The following FBN2 variants were observed in gnomAD, a reference collection of about 807,000 sequenced individuals.
FBN2 encodes the protein fibrillin-2.
Under a neutral mutation model 355.6 loss-of-function variants are expected in FBN2, and 105 were observed. The observed-to-expected ratio is 0.30, with a 90% CI of 0.25 to 0.35. The LOEUF (loss-of-function observed/expected upper bound fraction) is 0.35. Ranked by LOEUF, FBN2 falls within the 10% of genes least tolerant of loss-of-function variation. The probability of loss-of-function intolerance (pLI) is 1.00; values close to 1 mark genes in which losing one functional copy is unlikely to be tolerated. For synonymous variants in FBN2, 1,350 were observed against 1,301.2 expected (o/e 1.04, Z -0.81); for missense variants, 3,280 against 3,758.7 (o/e 0.87, Z 3.33).
chr5:128,455,407 A>G (rs1754353192), intron 6 of FBN2, among the ~76,000 whole-genome samples: 1 of 152,226 alleles, frequency 6.6e-6, no homozygotes, highest in Non-Finnish European at 1.5e-5. Flanking sequence ...TATTAAAGCC[A>G]TCAAGAATTG....
intron 5 of FBN2, among the ~76,000 whole-genome samples, chr5:128,502,768 AAAT>A (rs1009802362): frequency 5.3e-5 from 8 of 152,218 alleles, no homozygotes; most frequent in Admixed American, 1.3e-4. Flanking sequence ...AGTAAATCTA[AAAT>A]AATAATTTTT....
chr5:128,295,523 T>C (rs1749480622), intron 48 of FBN2, among the ~76,000 whole-genome samples: 1 of 146,958 alleles, frequency 6.8e-6, no homozygotes. Context: ...GAGTAGTGGT[T>C]TGTAGTTCTC....
At chr5:128,453,464 C>A (rs986276263) in intron 6 of FBN2, among the ~76,000 whole-genome samples, 1 of 152,200 alleles carries the variant, frequency 6.6e-6, no homozygotes, top group African/African-American at 2.4e-5. Context: ...GGCATCCACT[C>A]TGGCCTTCCT....
chr5:128,356,494 G>T (rs1293668831), intron 20 of FBN2, among the ~76,000 whole-genome samples: 1 of 152,160 alleles, frequency 6.6e-6, no homozygotes, highest in Non-Finnish European at 1.5e-5. Flanking sequence ...CTTCCTATTT[G>T]GAATATATAT....
chr5:128,332,826 G>T, intron 32 of FBN2, 86 bp downstream of exon 32: 1 of 1,293,278 alleles, frequency 7.7e-7, no homozygotes, highest in Non-Finnish European at 1.1e-6. Flanking sequence ...ATTAATAAAA[G>T]TGAAGAGCAT....
intron 20 of FBN2, among the ~76,000 whole-genome samples, chr5:128,355,041 G>GT (rs780201918): frequency 8.5e-5 from 13 of 152,178 alleles, no homozygotes; most frequent in Non-Finnish European, 1.8e-4. Flanking sequence ...CAGGTTAAAG[G>GT]TTAGGAGGAT....
intron 64 of FBN2, 39 bp downstream of exon 64, chr5:128,261,697 G>C (rs775589754): frequency 6.2e-7 from 1 of 1,602,030 alleles, no homozygotes; most frequent in Admixed American, 1.7e-5. Flanking sequence ...ACTCCGTAGG[G>C]ATAAAATTTT....
chr5:128,361,662 G>T, intron 19 of FBN2, 61 bp downstream of exon 19: 1 of 1,572,526 alleles, frequency 6.4e-7, no homozygotes, highest in Non-Finnish European at 8.8e-7. Flanking sequence ...CACTGTAATT[G>T]ATGTTTATAC....
chr5:128,265,335 T>A lies in FBN2; in HGVS notation c.7961-1679A>T, dbSNP rs139487229. The stretch of plus-strand genomic sequence containing the variant: ...AAGAAAAATTACCAGGCAAAAATAA[T>A]TAACTGAATAAATTATATTTAAACA... On this transcript the variant is annotated intron_variant, in intron 62 of 64. Coordinates refer to ENST00000262464, the MANE Select transcript of FBN2 (RefSeq NM_001999.4). Among the ~76,000 whole-genome samples the A allele has an allele frequency of 7.3e-4, 111 of 152,288 alleles. 1 individual carries two copies. The highest frequency in any genetic ancestry group is 2.5e-3 in the African/African-American group (103 of 41,580).
chr5:128,345,913 T>A (rs1751169493), intron 23 of FBN2, among the ~76,000 whole-genome samples: 1 of 152,232 alleles, frequency 6.6e-6, no homozygotes, highest in Non-Finnish European at 1.5e-5. Context: ...ATTCTTCCTG[T>A]TCAGAGAATT....
At chr5:128,489,807 G>A (rs1344312142) in intron 5 of FBN2, among the ~76,000 whole-genome samples, 1 of 152,104 alleles carries the variant, frequency 6.6e-6, no homozygotes, top group Non-Finnish European at 1.5e-5. Flanking sequence ...TAAAGAAAAA[G>A]GATGTGTGTT....
intron 6 of FBN2, among the ~76,000 whole-genome samples, chr5:128,449,756 T>C (rs1754189634): frequency 6.6e-6 from 1 of 151,798 alleles, no homozygotes; most frequent in Non-Finnish European, 1.5e-5. Flanking sequence ...AAAAGTCTGA[T>C]TGTCAGATTT....
rs575057085 is a variant in FBN2, at chr5:128,279,497, C to A, written c.7139-656G>T. Among the ~76,000 whole-genome samples the A allele has an allele frequency of 4.1e-3, 630 of 151,944 alleles. 3 individuals carry two copies. Among genetic ancestry groups the A allele is most frequent in the South Asian group, 0.014 (69 of 4,816 alleles). On this transcript the variant is annotated intron_variant, in intron 56 of 64. Coordinates refer to ENST00000262464, the MANE Select transcript of FBN2 (RefSeq NM_001999.4). ...GGTATAGATTAGAGATAACAATAAA[C>A]AAAAAATGTTTTTTTGATCAAAAAT... is the stretch of plus-strand genomic sequence containing the variant.
In FBN2 at chr5:128,305,601, G is replaced by T; in HGVS notation, c.5584C>A (p.Gln1862Lys). The change falls in exon 44 of 65, where the codon CAG becomes AAG. Residue 1862 changes from glutamine to lysine, a missense_variant. Physicochemically the swap from Gln to Lys is moderately conservative, Grantham distance 53. Around this residue, in one of 6 missense-constraint regions of FBN2, gnomAD observed 2,284 missense variants for 2,749.5 expected, o/e 0.83. Coordinates refer to ENST00000262464, the MANE Select transcript of FBN2 (RefSeq NM_001999.4). ...DECSNGDNLC[Q>K]RNADCINSPG... ...CTATTGATGCAGTCTGCATTCCGCTGGCAGAGATTATCACCATTGCTGCAC... is the reference window on the plus strand; with the variant it reads ...CTATTGATGCAGTCTGCATTCCGCTTGCAGAGATTATCACCATTGCTGCAC... The T allele has an allele frequency of 6.2e-7, 1 of 1,613,950 alleles. No individual in the cohort carries two copies. The highest frequency in any genetic ancestry group is 8.5e-7 in the Non-Finnish European group (1 of 1,179,892).
At chr5:128,488,501 T>C (rs903057735) in intron 5 of FBN2, among the ~76,000 whole-genome samples, 1 of 152,136 alleles carries the variant, frequency 6.6e-6, no homozygotes, top group Non-Finnish European at 1.5e-5. Flanking sequence ...TTTTTTTTAA[T>C]TTTTTTATTA....
chr5:128,261,638 G>A (rs1764972307), intron 64 of FBN2, 98 bp downstream of exon 64: 5 of 1,029,032 alleles, frequency 4.9e-6, no homozygotes, highest in Non-Finnish European at 7.7e-6. Flanking sequence ...TTCAAGGTAT[G>A]ATTAACTTCA....
At position 128,392,140 on chromosome 5, in the gene FBN2, G is replaced by T. The variant is rs1752532671; in HGVS notation, c.1481C>A (p.Thr494Lys). Residue 494 changes from threonine (T) to lysine (K), a missense_variant, in exon 11 of 65, where the codon ACA (threonine) becomes AAA (lysine). By Grantham distance (78) the Thr-to-Lys change is moderately conservative (BLOSUM62 -1). Coordinates refer to ENST00000262464, the MANE Select transcript of FBN2 (RefSeq NM_001999.4). ...AGCATGATGCTTACAGATATCTATT[G>T]TCTGGTTCAGAATTGCTACGGAAAA... ...IITGLTILNQ[T>K]IDICKHHANL... is the part of the protein sequence containing the mutation. 3 of 1,613,226 alleles carry T rather than the reference G, an allele frequency of 1.9e-6. No homozygotes were observed. Among genetic ancestry groups the T allele is most frequent in the African/African-American group, 1.3e-5 (1 of 74,866 alleles).
intron 6 of FBN2, among the ~76,000 whole-genome samples, chr5:128,458,365 C>CT (rs1447663218): frequency 1.3e-5 from 2 of 151,840 alleles, no homozygotes; most frequent in Non-Finnish European, 2.9e-5. Context: ...TAGTGGGAGA[C>CT]TTTAACACCC....
chr5:128,442,509 G>T, intron 7 of FBN2: 1 of 322,014 alleles, frequency 3.1e-6, no homozygotes, highest in South Asian at 2.6e-5. Flanking sequence ...ATTAATGGAT[G>T]TTTGAACAGA....
Sources: gnomAD v4.1 joint callset for allele counts (sites outside exome capture counted in the v4.1 genomes callset) on GRCh38, gnomAD v4.1.1 for gene constraint, gnomAD v4.1.1 regional missense constraint, MANE v1.5 for transcripts, NCBI Gene and HGNC (gene_info 2026-07-23, HGNC 2026-07-21) for gene names.